TMEM182: variants seen among roughly 807,000 people sequenced by gnomAD.
TMEM182 encodes transmembrane protein 182.
TMEM182 carries 20 observed loss-of-function variants against 26.8 expected under a neutral mutation model. The observed-to-expected ratio is 0.75, with a 90% confidence interval of 0.53 to 1.09. The LOEUF (loss-of-function observed/expected upper bound fraction) is 1.09, where lower values mean the gene tolerates loss of function less well. TMEM182 is among the 50% of genes least tolerant of loss of function. The pLI is 0.00. For synonymous variants in TMEM182, 109 were observed against 102.2 expected, an observed-to-expected ratio of 1.07 and a Z score of -0.40; for missense variants, 277 against 275.5, an observed-to-expected ratio of 1.01 and a Z score of -0.04.
At chr2:102,843,703 G>C (rs1440851198) in exon 4 of TMEM182, 2 of 152,164 alleles carry the variant, frequency 1.3e-5, no homozygotes, top group Non-Finnish European at 2.9e-5. Flanking sequence ...AAATGTTTCT[G>C]TACTACTCTT....
intron 3 of TMEM182, among the ~76,000 whole-genome samples, chr2:102,840,067 C>T (rs1290342695): frequency 6.6e-6 from 1 of 152,134 alleles, no homozygotes; most frequent in Admixed American, 6.6e-5. Flanking sequence ...AAACCAACAT[C>T]CCCCAAATCC....
rs1682761641 is a variant in TMEM182 at position 102,816,565 on chromosome 2, C to T, written c.*1597C>T. ...TAATAATAAAGCTCCAGAGGCCTAACTGGTTTCTCAAGTCATTTCAGTGAT... is the reference window on the plus strand; with the variant it reads ...TAATAATAAAGCTCCAGAGGCCTAATTGGTTTCTCAAGTCATTTCAGTGAT... On this transcript the variant is annotated 3_prime_UTR_variant, in exon 5 of 5. Transcript: ENST00000412401. The T allele has an allele frequency of 8.2e-6, 8 of 976,918 alleles. No individual in the cohort carries two copies. Among genetic ancestry groups the T allele is most frequent in the Non-Finnish European group, 7.3e-6 (6 of 823,160 alleles). The allele number at this position is 976,918 out of a possible 1,614,324, so 60.5% of individuals were successfully genotyped here. A position where few individuals can be genotyped will look rare whatever the true frequency, so the allele number is the denominator to read the frequency against.
At chr2:102,835,746 A>C (rs1206264277) in intron 3 of TMEM182, among the ~76,000 whole-genome samples, 2 of 151,928 alleles carry the variant, frequency 1.3e-5, no homozygotes, top group Non-Finnish European at 2.9e-5. Flanking sequence ...TGTGCACAAC[A>C]TGCAGGTTTC....
rs576448004 is a variant in TMEM182 at position 102,740,648 on chromosome 2, G to A, written c.-83+3635G>A. On this transcript the variant is annotated intron_variant, in intron 1 of 5. Transcript: ENST00000409173. ...ATAATTATTTTTAAAAAGAGCTTAG[G>A]AATGTCTTAAAAAGTTCAAAGTTAA... Among the ~76,000 whole-genome samples the A allele has an allele frequency of 1.2e-4, 18 of 152,250 alleles. 1 individual carries two copies. The South Asian group carries it at 3.5e-3, about 30-fold the overall frequency.
chr2:102,807,783 A>C lies in TMEM182; in HGVS notation c.470-6965A>C, dbSNP rs572853121. ...AGCAAGACATAGAGGACTTCACTGA[A>C]GTAGAGAAAGCCCTCAGACACTTCG... On this transcript the variant is annotated intron_variant, in intron 4 of 4. Coordinates refer to ENST00000412401, the MANE Select transcript of TMEM182 (RefSeq NM_144632.5). Among the ~76,000 whole-genome samples, 3 of 152,314 alleles carry C rather than the reference A, an allele frequency of 2.0e-5. No homozygotes were observed. In the East Asian group the frequency reaches 5.8e-4, roughly 29 times the overall value.
chr2:102,767,389 A>G (rs143086346), intron 3 of TMEM182, among the ~76,000 whole-genome samples: 58 of 152,234 alleles, frequency 3.8e-4, no homozygotes, highest in Non-Finnish European at 7.2e-4. Flanking sequence ...AAACAATTCT[A>G]TTACCTTTGG....
At chr2:102,796,179 T>C (rs1283227804) in intron 3 of TMEM182, among the ~76,000 whole-genome samples, 1 of 152,148 alleles carries the variant, frequency 6.6e-6, no homozygotes, top group East Asian at 1.9e-4. Context: ...TTTACACAGT[T>C]CCCCATTCGC....
At chr2:102,780,920 T>A (rs1406796680) in intron 3 of TMEM182, among the ~76,000 whole-genome samples, 2 of 152,248 alleles carry the variant, frequency 1.3e-5, no homozygotes, top group African/African-American at 4.8e-5. Context: ...TTTTAATCTG[T>A]GACCATTGTT....
At chr2:102,789,632 C>A (rs1681549628) in intron 3 of TMEM182, among the ~76,000 whole-genome samples, 1 of 152,144 alleles carries the variant, frequency 6.6e-6, no homozygotes, top group African/African-American at 2.4e-5. Context: ...ACAATAGCTA[C>A]CTTAATTAGC....
At chr2:102,803,983 C>T (rs1052676361) in intron 4 of TMEM182, among the ~76,000 whole-genome samples, 9 of 152,260 alleles carry the variant, frequency 5.9e-5, no homozygotes, top group Admixed American at 3.9e-4. Context: ...TGCATGCACA[C>T]GCAGCCCTGC....
intron 1 of TMEM182, among the ~76,000 whole-genome samples, chr2:102,740,881 A>G (rs949483475): frequency 4.6e-5 from 7 of 152,236 alleles, no homozygotes; most frequent in Non-Finnish European, 7.3e-5. Flanking sequence ...AATTAGCAAT[A>G]AAAATAATGA....
intron 3 of TMEM182, among the ~76,000 whole-genome samples, chr2:102,839,125 G>T (rs1683302309): frequency 6.6e-6 from 1 of 152,076 alleles, no homozygotes; most frequent in African/African-American, 2.4e-5. Context: ...AGGTGACCAG[G>T]ATTCTTCTTT....
At chr2:102,828,968 A>G (rs1334175937) in intron 3 of TMEM182, among the ~76,000 whole-genome samples, 1 of 152,252 alleles carries the variant, frequency 6.6e-6, no homozygotes. Flanking sequence ...ATATTGAACA[A>G]ATATTCTGTG....
intron 3 of TMEM182, among the ~76,000 whole-genome samples, chr2:102,769,329 T>A (rs1470230477): frequency 3.3e-5 from 5 of 151,974 alleles, no homozygotes; most frequent in Admixed American, 6.6e-5. Context: ...ATGTGAGGAG[T>A]TAACATGTAA....
At chr2:102,796,906 C>G (rs1681891687) in intron 3 of TMEM182, among the ~76,000 whole-genome samples, 1 of 152,160 alleles carries the variant, frequency 6.6e-6, no homozygotes, top group African/African-American at 2.4e-5. Flanking sequence ...TCCTTCTTAT[C>G]AAGTTGTATA....
At chr2:102,807,135 A>G (rs1280434043) in intron 4 of TMEM182, among the ~76,000 whole-genome samples, 2 of 152,234 alleles carry the variant, frequency 1.3e-5, no homozygotes, top group African/African-American at 4.8e-5. Flanking sequence ...AATCTAAGAA[A>G]GTTATAAATG....
At chr2:102,738,527 G>A (rs1380229326) in intron 1 of TMEM182, among the ~76,000 whole-genome samples, 3 of 152,118 alleles carry the variant, frequency 2.0e-5, no homozygotes, top group African/African-American at 7.2e-5. Flanking sequence ...GGGAGGCAGA[G>A]GTTGCAGTGA....
intron 1 of TMEM182, among the ~76,000 whole-genome samples, chr2:102,745,046 G>T (rs1441961883): frequency 6.6e-6 from 1 of 151,544 alleles, no homozygotes; most frequent in African/African-American, 2.4e-5. Context: ...GCAACACATT[G>T]GTTAGACCAT....
At chr2:102,747,618 G>C (rs1395285975) in intron 1 of TMEM182, among the ~76,000 whole-genome samples, 1 of 152,024 alleles carries the variant, frequency 6.6e-6, no homozygotes, top group African/African-American at 2.4e-5. Flanking sequence ...GAGATGCCAT[G>C]TAACCATGAA....
Sources: allele counts gnomAD v4.1 joint callset (sites outside exome capture counted in the v4.1 genomes callset), GRCh38; gene constraint gnomAD v4.1.1; transcripts MANE v1.5; gene names NCBI Gene and HGNC (gene_info 2026-07-23, HGNC 2026-07-21).